Variants in CLTC observed in about 807,000 individuals in gnomAD.
CLTC encodes clathrin heavy chain, also known as clathrin heavy chain 1.
A neutral mutation model predicts 195.8 loss-of-function variants in CLTC; 16 were observed. That is an observed-to-expected ratio of 0.08 (90% CI 0.06 to 0.12). CLTC has a LOEUF of 0.12. Ranked by LOEUF, CLTC falls within the 10% of genes least tolerant of loss-of-function variation. CLTC has a pLI of 1.00. For missense variants in CLTC, 796 were observed against 2,027.0 expected (o/e 0.39, Z 11.66); for synonymous variants, 667 against 689.4 (o/e 0.97, Z 0.51).
At chr17:59,639,986 C>T (rs114263689) in intron 1 of CLTC, among the ~76,000 whole-genome samples, 76 of 152,190 alleles carry the variant, frequency 5.0e-4, no homozygotes, top group African/African-American at 1.8e-3. Flanking sequence ...AATTCAGTTT[C>T]TGTGGTATAG....
At chr17:59,669,535 T>C (rs954573351) in intron 14 of CLTC, among the ~76,000 whole-genome samples, 3 of 152,218 alleles carry the variant, frequency 2.0e-5, no homozygotes, top group African/African-American at 7.2e-5. Flanking sequence ...TTCTGAACTC[T>C]AGAACATCCC....
intron 2 of CLTC, chr17:59,645,992 T>G (rs749473959): frequency 2.0e-5 from 16 of 818,848 alleles, no homozygotes; most frequent in African/African-American, 5.6e-5. Context: ...TTATCACATT[T>G]CTTAATGCTT....
At position 59,666,862 on chromosome 17, in the gene CLTC, G is replaced by C. The variant is rs1363653641; in HGVS notation, c.2013G>C (p.Leu671=). 6.2e-7 allele frequency: 1 copy of C among 1,613,872 alleles called. No individual in the cohort carries two copies. ...EDSLECLRAM[L]SANIRQNLQI... The stretch of plus-strand genomic sequence containing the variant: ...CCCTAGAATGTCTCAGAGCCATGCT[G>C]TCTGCCAACATCCGTCAGAATCTGC... Residue 671 remains leucine, a synonymous_variant, in exon 13 of 32, where the codon CTG becomes CTC. Transcript: ENST00000269122. This position sits in a 1 kb window ranked among gnomAD's most constrained non-coding sequence, Gnocchi z 4.9.
intron 4 of CLTC, among the ~76,000 whole-genome samples, chr17:59,649,473 G>A (rs2143510682): frequency 6.6e-6 from 1 of 152,214 alleles, no homozygotes; most frequent in Admixed American, 6.5e-5. Context: ...ATAATTATTT[G>A]GTGTTTGGTG....
chr17:59,646,441 GTA>G (rs534667188), intron 2 of CLTC, among the ~76,000 whole-genome samples: 129 of 152,184 alleles, frequency 8.5e-4, no homozygotes, highest in African/African-American at 2.7e-3. Context: ...GTACAAAGCT[GTA>G]TGTTTTGCCC....
rs928277452 is a variant in CLTC, at chr17:59,624,509, C to G, written c.42+4336C>G. On this transcript the variant is annotated intron_variant, in intron 1 of 31. Coordinates refer to ENST00000269122, the MANE Select transcript of CLTC (RefSeq NM_004859.4). Reference sequence around the variant, plus strand: ...CAGAGTCTCACTCTGTCCTCTGTCACCTAGACTAGTGTGCAGTGGTGCGAT... The same window carrying G: ...CAGAGTCTCACTCTGTCCTCTGTCAGCTAGACTAGTGTGCAGTGGTGCGAT... Among the ~76,000 whole-genome samples, 9 of 138,128 alleles carry G rather than the reference C, an allele frequency of 6.5e-5. No individual in the cohort carries two copies. In the East Asian group the frequency reaches 2.3e-3, roughly 35 times the overall value. 90.6% of individuals were successfully genotyped at this position (138,128 alleles called of 152,430 possible).
Position 59,648,232 on chromosome 17 carries a change from C to G in CLTC, c.520-8C>G, listed in dbSNP as rs373954320. ...TCTTCAAACGTTATTCTCTTTGATC[C>G]TTTATAGCAAAATCGTGTGGTGGGA... On this transcript the variant is annotated splice_polypyrimidine_tract_variant and splice_region_variant and intron_variant, in intron 3 of 31. Coordinates refer to ENST00000269122, the MANE Select transcript of CLTC (RefSeq NM_004859.4). The surrounding 1 kb of genome is among the most constrained non-coding windows in gnomAD (Gnocchi z 4.5). 110 of 1,605,704 alleles carry G rather than the reference C, an allele frequency of 6.9e-5. No homozygotes were observed. Among genetic ancestry groups the G allele is most frequent in the Non-Finnish European group, 8.7e-5 (102 of 1,176,252 alleles).
intron 28 of CLTC, 76 bp downstream of exon 28, chr17:59,684,061 A>G: frequency 6.6e-6 from 6 of 911,720 alleles, no homozygotes; most frequent in Non-Finnish European, 1.0e-5. Context: ...AAAAGCCATT[A>G]TCCTTTAGGA....
rs769307089 is a variant in CLTC, at chr17:59,664,937, A to C, written c.1644+28A>C. 2.5e-6 allele frequency: 4 copies of C among 1,610,786 alleles called. No individual in the cohort carries two copies. In the Admixed American group the frequency reaches 5.0e-5, roughly 20 times the overall value. ...AATGTGATTAAAATATATTTTGTAGAAGCTGATTGAAATGGAGAGTGGGGG... is the reference window on the plus strand; with the variant it reads ...AATGTGATTAAAATATATTTTGTAGCAGCTGATTGAAATGGAGAGTGGGGG... On this transcript the variant is annotated intron_variant, in intron 10 of 31. Transcript: ENST00000269122.
intron 30 of CLTC, among the ~76,000 whole-genome samples, chr17:59,686,689 G>A (rs2143604790): frequency 6.6e-6 from 1 of 152,340 alleles, no homozygotes; most frequent in East Asian, 1.9e-4. Flanking sequence ...AGCCATAGAT[G>A]AGAATAGCTT....
intron 8 of CLTC, among the ~76,000 whole-genome samples, chr17:59,663,131 A>C (rs1379546759): frequency 6.6e-6 from 1 of 152,226 alleles, no homozygotes; most frequent in Non-Finnish European, 1.5e-5. Flanking sequence ...TATTTTTGGC[A>C]CTAAATATCA....
intron 6 of CLTC, among the ~76,000 whole-genome samples, chr17:59,656,778 A>G (rs971586436): frequency 3.4e-5 from 5 of 148,092 alleles, no homozygotes; most frequent in African/African-American, 1.2e-4. Context: ...GGTTTAAGCA[A>G]TTCTCTTGCC....
At chr17:59,669,737 T>TAA (rs1555605771) in intron 14 of CLTC, among the ~76,000 whole-genome samples, 2 of 151,478 alleles carry the variant, frequency 1.3e-5, no homozygotes. Context: ...TATATATATA[T>TAA]AATGATTCCT....
intron 14 of CLTC, among the ~76,000 whole-genome samples, chr17:59,671,784 C>A (rs1373961607): frequency 6.6e-6 from 1 of 152,138 alleles, no homozygotes; most frequent in Non-Finnish European, 1.5e-5. Context: ...TTGCTTGTGC[C>A]CTGTACTACT....
chr17:59,660,217 T>G (rs1393352131), intron 6 of CLTC, among the ~76,000 whole-genome samples, 174 bp from the exon 7 acceptor site: 2 of 152,326 alleles, frequency 1.3e-5, no homozygotes, highest in East Asian at 1.9e-4. Context: ...CAAATCTCCT[T>G]AATTTTTTTT....
chr17:59,671,605 C>T (rs2032849750), intron 14 of CLTC, among the ~76,000 whole-genome samples: 1 of 152,162 alleles, frequency 6.6e-6, no homozygotes, highest in Non-Finnish European at 1.5e-5. Context: ...GAACTGTAAG[C>T]TCTCTGTAGA....
At chr17:59,677,930 A>T (rs1411972265) in intron 17 of CLTC, among the ~76,000 whole-genome samples, 1 of 152,206 alleles carries the variant, frequency 6.6e-6, no homozygotes, top group Non-Finnish European at 1.5e-5. Flanking sequence ...ACCTTTATCT[A>T]GTTACAAGTT....
In CLTC at chr17:59,696,955, A is replaced by G. The variant is rs1253720062; in HGVS notation, c.*3103A>G. 1 of 198,968 alleles carries G rather than the reference A, an allele frequency of 5.0e-6. No individual in the cohort carries two copies. Among genetic ancestry groups the G allele is most frequent in the Non-Finnish European group, 1.0e-5 (1 of 95,722 alleles). The allele number at this position is 198,968 out of a possible 1,614,324, so 12.3% of individuals were successfully genotyped here. On this transcript the variant is annotated 3_prime_UTR_variant, in exon 32 of 32. Transcript: ENST00000269122. ...CAGTAGGTTGTATCAATGCTATAAA[A>G]CTCAACCTGGAGACAAAATTTAAAC... is the stretch of plus-strand genomic sequence containing the variant.
intron 17 of CLTC, 119 bp from the exon 18 acceptor site, chr17:59,679,278 G>T (rs1391077978): frequency 1.3e-6 from 1 of 777,542 alleles, no homozygotes; most frequent in African/African-American, 1.8e-5. Context: ...TCCAAAACTA[G>T]ATCCAATATC....
Sources: gnomAD v4.1 joint callset for allele counts (sites outside exome capture counted in the v4.1 genomes callset) on GRCh38, gnomAD v4.1.1 for gene constraint, Gnocchi (gnomAD v3.1) non-coding constraint, MANE v1.5 for transcripts, NCBI Gene and HGNC (gene_info 2026-07-23, HGNC 2026-07-21) for gene names.